The following LRMDA variants were observed in gnomAD, a reference collection of about 807,000 sequenced individuals.
LRMDA encodes the protein leucine-rich melanocyte differentiation-associated protein.
In LRMDA, 18 loss-of-function variants were observed where a neutral mutation model predicts 29.8. The ratio of observed to expected loss-of-function variants is 0.60; its 90% confidence interval spans 0.42 to 0.90. The LOEUF is 0.90. Among genes scored for constraint, LRMDA ranks in the 40% least tolerant of loss-of-function variants. The probability of loss-of-function intolerance (pLI) is 0.00; values close to 1 mark genes in which losing one functional copy is unlikely to be tolerated. For synonymous variants in LRMDA, 125 were observed against 109.4 expected (o/e 1.14, Z -0.89); for missense variants, 273 against 273.9 (o/e 1.00, Z 0.02).
intron 2 of LRMDA, among the ~76,000 whole-genome samples, chr10:75,588,491 C>T (rs532798906): frequency 7.9e-5 from 12 of 152,324 alleles, no homozygotes; most frequent in African/African-American, 2.6e-4. Flanking sequence ...GTATTCTTGC[C>T]TGGTCCATGT....
chr10:75,560,852 A>G (rs1840284377), intron 2 of LRMDA, among the ~76,000 whole-genome samples: 3 of 152,106 alleles, frequency 2.0e-5, no homozygotes. Context: ...ATTTGCGTAT[A>G]TTGAACCAGC....
At chr10:76,022,624 A>G (rs1222624337) in intron 2 of LRMDA, among the ~76,000 whole-genome samples, 4 of 152,212 alleles carry the variant, frequency 2.6e-5, no homozygotes, top group Non-Finnish European at 5.9e-5. Flanking sequence ...AGCACCTAGC[A>G]TGGTAGGAGT....
intron 2 of LRMDA, among the ~76,000 whole-genome samples, chr10:75,569,619 T>G (rs1840413110): frequency 6.6e-6 from 1 of 152,262 alleles, no homozygotes; most frequent in South Asian, 2.1e-4. Context: ...CCATTTTCAT[T>G]TCACTTAGCA....
intron 2 of LRMDA, among the ~76,000 whole-genome samples, chr10:75,552,048 C>A (rs1241696389): frequency 1.4e-5 from 2 of 148,018 alleles, no homozygotes; most frequent in East Asian, 1.9e-4. Flanking sequence ...GCCTAGGCAA[C>A]AGAGTTAGAC....
At chr10:76,287,645 G>A (rs1361574588) in intron 5 of LRMDA, among the ~76,000 whole-genome samples, 1 of 152,086 alleles carries the variant, frequency 6.6e-6, no homozygotes, top group African/African-American at 2.4e-5. Context: ...AATAAGGTGT[G>A]TTTTGTTTGG....
chr10:75,872,582 G>T (rs770231872), intron 2 of LRMDA, among the ~76,000 whole-genome samples: 1 of 152,174 alleles, frequency 6.6e-6, no homozygotes, highest in Admixed American at 6.5e-5. Context: ...GGGATTACAG[G>T]TGTGAGCCAC....
intron 2 of LRMDA, among the ~76,000 whole-genome samples, chr10:75,827,422 G>T (rs373100957): frequency 1.3e-5 from 2 of 152,130 alleles, no homozygotes; most frequent in African/African-American, 4.8e-5. Flanking sequence ...AAACACAATT[G>T]CCATCCTCTG....
At chr10:76,154,350 T>G (rs1023003366) in intron 5 of LRMDA, among the ~76,000 whole-genome samples, 1 of 151,984 alleles carries the variant, frequency 6.6e-6, no homozygotes, top group Non-Finnish European at 1.5e-5. Flanking sequence ...CCATAAGGAG[T>G]GAGAAAATGA....
intron 2 of LRMDA, among the ~76,000 whole-genome samples, chr10:75,675,297 T>A (rs1841946086): frequency 6.6e-6 from 1 of 152,186 alleles, no homozygotes; most frequent in South Asian, 2.1e-4. Flanking sequence ...TTGTGAGGTG[T>A]TGCTAGCAGA....
rs183721593 is a variant in LRMDA at position 75,695,170 on chromosome 10, T to A, written c.131+256676T>A. Among the ~76,000 whole-genome samples the A allele has an allele frequency of 8.3e-3, 1,271 of 152,250 alleles. 23 individuals are homozygous for A. The highest frequency in any genetic ancestry group is 0.03 in the South Asian group (143 of 4,818). On this transcript the variant is annotated intron_variant, in intron 2 of 6. Coordinates refer to ENST00000611255, the MANE Select transcript of LRMDA (RefSeq NM_001305581.2). ...GGTGGGTGGTGTGTCTTGCTTTTTT[T>A]AAATTTTTCCTTAAAGCAAGAAATA...
chr10:76,027,535 T>C (rs933589768), intron 2 of LRMDA, among the ~76,000 whole-genome samples: 42 of 152,268 alleles, frequency 2.8e-4, no homozygotes, highest in African/African-American at 9.1e-4. Context: ...CACACACACA[T>C]AAATATATAC....
chr10:75,720,500 C>T (rs1365167865), intron 2 of LRMDA, among the ~76,000 whole-genome samples: 2 of 152,148 alleles, frequency 1.3e-5, no homozygotes, highest in African/African-American at 4.8e-5. Flanking sequence ...TTTTCCTGTG[C>T]CCATTCTGTG....
At chr10:75,594,957 G>A (rs1364309058) in intron 2 of LRMDA, among the ~76,000 whole-genome samples, 3 of 152,002 alleles carry the variant, frequency 2.0e-5, no homozygotes, top group Non-Finnish European at 2.9e-5. Flanking sequence ...AGATGAAAAA[G>A]GCTGATTTAG....
At chr10:76,210,014 G>A (rs1428822403) in intron 5 of LRMDA, among the ~76,000 whole-genome samples, 1 of 152,326 alleles carries the variant, frequency 6.6e-6, no homozygotes, top group African/African-American at 2.4e-5. Context: ...AGCTACAAAT[G>A]AGTGGGCAGA....
chr10:75,700,081 C>A (rs954892483), intron 2 of LRMDA, among the ~76,000 whole-genome samples: 1 of 152,214 alleles, frequency 6.6e-6, no homozygotes, highest in Non-Finnish European at 1.5e-5. Context: ...CAGGCTCTGG[C>A]CTTCAGAACT....
At chr10:75,486,656 A>C (rs1844918188) in intron 2 of LRMDA, among the ~76,000 whole-genome samples, 1 of 152,114 alleles carries the variant, frequency 6.6e-6, no homozygotes, top group African/African-American at 2.4e-5. Flanking sequence ...GGGGGGGGCA[A>C]CATGAGCAAA....
At chr10:76,503,018 A>C (rs918641109) in intron 6 of LRMDA, among the ~76,000 whole-genome samples, 7 of 151,892 alleles carry the variant, frequency 4.6e-5, no homozygotes, top group Admixed American at 4.6e-4. Context: ...TCAGTATGAC[A>C]TTGGCTATGG....
At chr10:76,127,969 C>A (rs1380413888) in intron 5 of LRMDA, among the ~76,000 whole-genome samples, 2 of 151,704 alleles carry the variant, frequency 1.3e-5, no homozygotes, top group African/African-American at 2.4e-5. Flanking sequence ...TAAAAAAAAA[C>A]AACAACAACA....
At chr10:75,549,760 C>T (rs925453730) in intron 2 of LRMDA, among the ~76,000 whole-genome samples, 24 of 152,086 alleles carry the variant, frequency 1.6e-4, no homozygotes, top group Non-Finnish European at 2.6e-4. Context: ...ACATTTTTAT[C>T]GCCATAAAAA....
Sources: gnomAD v4.1 joint callset for allele counts (sites outside exome capture counted in the v4.1 genomes callset) on GRCh38, gnomAD v4.1.1 for gene constraint, MANE v1.5 for transcripts, NCBI Gene and HGNC (gene_info 2026-07-23, HGNC 2026-07-21) for gene names.